The following LHFPL3 variants were observed in gnomAD, a reference collection of about 807,000 sequenced individuals.
LHFPL3 encodes the protein LHFPL tetraspan subfamily member 3 protein.
In LHFPL3, 5 loss-of-function variants were observed where a neutral mutation model predicts 19.3. The observed-to-expected ratio is 0.26, with a 90% CI of 0.14 to 0.54. LHFPL3 has a LOEUF of 0.54. LHFPL3 is among the 20% of genes least tolerant of loss of function. The probability of loss-of-function intolerance (pLI) is 0.94; values close to 1 mark genes in which losing one functional copy is unlikely to be tolerated. For synonymous variants in LHFPL3, 133 were observed against 126.2 expected (o/e 1.05, Z -0.36); for missense variants, 249 against 307.4 (o/e 0.81, Z 1.42).
intron 2 of LHFPL3, among the ~76,000 whole-genome samples, chr7:104,837,607 C>A (rs1262640045): frequency 6.6e-6 from 1 of 152,138 alleles, no homozygotes; most frequent in Non-Finnish European, 1.5e-5. Context: ...AGCTAGAAAG[C>A]ACCAACTTTA....
intron 1 of LHFPL3, among the ~76,000 whole-genome samples, chr7:104,515,389 A>G (rs188325220): frequency 3.3e-5 from 5 of 152,296 alleles, no homozygotes; most frequent in Admixed American, 1.3e-4. Context: ...TCTAAGATCT[A>G]AAAGAACTCA....
chr7:104,449,615 A>G (rs985722590), intron 1 of LHFPL3, among the ~76,000 whole-genome samples: 2 of 152,188 alleles, frequency 1.3e-5, no homozygotes, highest in Non-Finnish European at 2.9e-5. Flanking sequence ...ATAGTGGCTT[A>G]TATCTCAGTG....
At chr7:104,503,413 A>G (rs2115739591) in intron 1 of LHFPL3, among the ~76,000 whole-genome samples, 1 of 152,122 alleles carries the variant, frequency 6.6e-6, no homozygotes, top group Admixed American at 6.5e-5. Context: ...GCTCACCTGT[A>G]TTTTTCTAGA....
intron 1 of LHFPL3, among the ~76,000 whole-genome samples, chr7:104,707,857 C>T (rs544113861): frequency 9.2e-5 from 14 of 152,230 alleles, no homozygotes; most frequent in African/African-American, 3.1e-4. Context: ...AGTAAGTGTC[C>T]AGCCACGATA....
Position 104,545,201 on chromosome 7 carries a change from G to A in LHFPL3, c.446-191474G>A, listed in dbSNP as rs146703060. On this transcript the variant is annotated intron_variant, in intron 1 of 2. Transcript: ENST00000424859. ...ATGCTTCTCCACAATCACTACCTTA[G>A]TATCCTCATATTTCTCTAGCTTTGT... Among the ~76,000 whole-genome samples the A allele has an allele frequency of 3.0e-3, 464 of 152,212 alleles. 2 individuals are homozygous for A. The highest frequency in any genetic ancestry group is 0.01 in the African/African-American group (434 of 41,524).
intron 2 of LHFPL3, among the ~76,000 whole-genome samples, chr7:104,779,762 T>C (rs548379238): frequency 6.6e-6 from 1 of 152,318 alleles, no homozygotes; most frequent in Non-Finnish European, 1.5e-5. Context: ...TGATAGAACA[T>C]GATAGAACTT....
At chr7:104,658,127 A>G (rs1338427109) in intron 1 of LHFPL3, among the ~76,000 whole-genome samples, 1 of 152,248 alleles carries the variant, frequency 6.6e-6, no homozygotes, top group African/African-American at 2.4e-5. Flanking sequence ...TTGCAGTTAG[A>G]ATTGCTTGGT....
intron 1 of LHFPL3, among the ~76,000 whole-genome samples, chr7:104,703,824 G>C (rs1405757227): frequency 4.0e-5 from 6 of 151,002 alleles, no homozygotes; most frequent in Admixed American, 4.0e-4. Context: ...TTTCTGGCTT[G>C]GTCAGCTCTC....
chr7:104,512,993 A>G (rs1584371495), intron 1 of LHFPL3, among the ~76,000 whole-genome samples: 4 of 152,168 alleles, frequency 2.6e-5, no homozygotes, highest in Admixed American at 2.6e-4. Context: ...TTTGACATCT[A>G]TGGATATAGT....
chr7:104,404,028 C>A (rs1562887318), intron 1 of LHFPL3, among the ~76,000 whole-genome samples: 1 of 152,130 alleles, frequency 6.6e-6, no homozygotes, highest in Non-Finnish European at 1.5e-5. Flanking sequence ...TCTGTGGCTG[C>A]CCTTGTTCTA....
chr7:104,525,826 C>T (rs921385286), intron 1 of LHFPL3, among the ~76,000 whole-genome samples: 10 of 152,108 alleles, frequency 6.6e-5, no homozygotes, highest in African/African-American at 2.2e-4. Context: ...AGGCTGATCT[C>T]GAACTCCTGA....
chr7:104,759,611 T>G lies in LHFPL3; in HGVS notation c.682+22700T>G, dbSNP rs530747046. On this transcript the variant is annotated intron_variant, in intron 2 of 2. Transcript: ENST00000424859. ...CAGCACAGGCCTGGACAGCAGACAGTTCACTCAGTACAAGACACCAACTTT... is the reference window on the plus strand; with the variant it reads ...CAGCACAGGCCTGGACAGCAGACAGGTCACTCAGTACAAGACACCAACTTT... 1.2e-4 allele frequency: 19 copies of G among 152,296 alleles called. 1 individual carries two copies. The highest frequency in any genetic ancestry group is 8.3e-4 in the South Asian group (4 of 4,826). 9.4% of individuals were successfully genotyped at this position (152,296 alleles called of 1,614,324 possible). A position where few individuals can be genotyped will look rare whatever the true frequency, so the allele number is the denominator to read the frequency against.
In LHFPL3 at chr7:104,373,746, A is replaced by T. The variant is rs116146533; in HGVS notation, c.445+44522A>T. Among the ~76,000 whole-genome samples, 1,095 of 152,248 alleles carry T rather than the reference A, an allele frequency of 7.2e-3. 17 individuals carry two copies. The highest frequency in any genetic ancestry group is 0.025 in the African/African-American group (1,036 of 41,534). On this transcript the variant is annotated intron_variant, in intron 1 of 2. Transcript: ENST00000424859. ...TGGCTGCCCTTAGAGGTGATAGATG[A>T]CAGATGTTTCCTATTCAGATCTTTA...
chr7:104,758,799 A>T (rs1794327666), intron 2 of LHFPL3, among the ~76,000 whole-genome samples: 1 of 152,114 alleles, frequency 6.6e-6, no homozygotes, highest in Non-Finnish European at 1.5e-5. Flanking sequence ...TCTTTCTGTC[A>T]TTAGAATGCT....
At chr7:104,495,482 C>A (rs879856060) in intron 1 of LHFPL3, among the ~76,000 whole-genome samples, 14 of 152,146 alleles carry the variant, frequency 9.2e-5, no homozygotes, top group Non-Finnish European at 2.1e-4. Context: ...CTTCCGGGTT[C>A]ACGCCATTCT....
chr7:104,550,055 A>T (rs1198390354), intron 1 of LHFPL3, among the ~76,000 whole-genome samples: 1 of 152,144 alleles, frequency 6.6e-6, no homozygotes, highest in Non-Finnish European at 1.5e-5. Context: ...GAGCCAGCAG[A>T]CAAGAGACCT....
intron 1 of LHFPL3, among the ~76,000 whole-genome samples, chr7:104,515,174 A>C (rs1415527141): frequency 6.6e-6 from 1 of 152,148 alleles, no homozygotes; most frequent in Non-Finnish European, 1.5e-5. Flanking sequence ...TACTCTTTTG[A>C]TTTTTAACTT....
At chr7:104,424,460 A>C (rs114819101) in intron 1 of LHFPL3, among the ~76,000 whole-genome samples, 1,892 of 152,350 alleles carry the variant, frequency 0.012, 35 homozygotes, top group African/African-American at 0.043. Flanking sequence ...TTTCCATTAC[A>C]GAGAAGGTTA....
chr7:104,707,739 G>C (rs1443982249), intron 1 of LHFPL3, among the ~76,000 whole-genome samples: 1 of 152,100 alleles, frequency 6.6e-6, no homozygotes, highest in Non-Finnish European at 1.5e-5. Context: ...GATTGTATTT[G>C]AATGACTGAA....
Sources: gnomAD v4.1 joint callset for allele counts (sites outside exome capture counted in the v4.1 genomes callset) on GRCh38, gnomAD v4.1.1 for gene constraint, MANE v1.5 for transcripts, NCBI Gene and HGNC (gene_info 2026-07-23, HGNC 2026-07-21) for gene names.